LONRF1: variants seen among roughly 807,000 people sequenced by gnomAD.
The protein encoded by LONRF1 is LON peptidase N-terminal domain and ring finger 1.
Under a neutral mutation model 85.8 loss-of-function variants are expected in LONRF1, and 37 were observed. That is an observed-to-expected ratio of 0.43 (90% CI 0.33 to 0.57). The LOEUF (loss-of-function observed/expected upper bound fraction) is 0.57. Among genes scored for constraint, LONRF1 ranks in the 20% least tolerant of loss-of-function variants. The probability of loss-of-function intolerance (pLI) is 0.04; values close to 1 mark genes in which losing one functional copy is unlikely to be tolerated. For synonymous variants in LONRF1, 517 were observed against 390.1 expected (o/e 1.33, Z -3.83); for missense variants, 1,036 against 978.0 (o/e 1.06, Z -0.79).
chr8:12,743,100 A>C, intron 2 of LONRF1, 64 bp downstream of exon 2: 1 of 1,003,366 alleles, frequency 1.0e-6, no homozygotes, highest in Admixed American at 1.8e-5. Flanking sequence ...CTAACTGTGA[A>C]TGAATGCATG....
At chr8:12,729,452 T>C in intron 8 of LONRF1, 120 bp from the exon 9 acceptor site, 2 of 992,632 alleles carry the variant, frequency 2.0e-6, no homozygotes, top group South Asian at 1.8e-5. Context: ...AAAGAATTAG[T>C]TCTAAATAAG....
intron 4 of LONRF1, 91 bp downstream of exon 4, chr8:12,737,904 G>C: frequency 7.7e-7 from 1 of 1,292,970 alleles, no homozygotes; most frequent in Non-Finnish European, 1.1e-6. Context: ...TACTTAAGTA[G>C]GTGCTAGTAC....
chr8:12,739,075 T>TA (rs1009360974), intron 3 of LONRF1, among the ~76,000 whole-genome samples: 3 of 152,052 alleles, frequency 2.0e-5, no homozygotes, highest in African/African-American at 7.2e-5. Context: ...TCCTCTGTTT[T>TA]AAAAAATAAA....
In LONRF1 at chr8:12,723,267, G is replaced by C; in HGVS notation, c.2164-13C>G. ...CATTAGGGGCTGCCTAAAAACAATG[G>C]ACAGTTTATAGCATTAATAAAACAA... is the stretch of plus-strand genomic sequence containing the variant. On this transcript the variant is annotated splice_polypyrimidine_tract_variant and intron_variant, in intron 11 of 11. Transcript: ENST00000398246. 1 of 1,600,224 alleles carries C rather than the reference G, an allele frequency of 6.2e-7. No homozygotes were observed. The highest frequency in any genetic ancestry group is 8.5e-7 in the Non-Finnish European group (1 of 1,175,714).
chr8:12,730,683 G>C (rs528761179), intron 8 of LONRF1, among the ~76,000 whole-genome samples: 3 of 152,212 alleles, frequency 2.0e-5, no homozygotes, highest in African/African-American at 7.2e-5. Context: ...TGATCAGAAA[G>C]GTTCATAATT....
intron 2 of LONRF1, 118 bp from the exon 3 acceptor site, chr8:12,741,114 T>G (rs1027824912): frequency 2.8e-6 from 3 of 1,067,984 alleles, no homozygotes; most frequent in East Asian, 2.6e-5. Context: ...CCGGGTGCAG[T>G]AGCTCACGCC....
chr8:12,728,991 A>G lies in LONRF1; in HGVS notation c.1920T>C (p.Asp640=). The G allele has an allele frequency of 1.2e-6, 2 of 1,614,084 alleles. No individual in the cohort carries two copies. The highest frequency in any genetic ancestry group is 1.7e-6 in the Non-Finnish European group (2 of 1,179,924). Residue 640 remains aspartate (D), a synonymous_variant, in exon 10 of 12, where the codon GAT becomes GAC. Coordinates refer to ENST00000398246, the MANE Select transcript of LONRF1 (RefSeq NM_152271.5). ...HFLPDGRSVV[D]TVGGKRFRVL... The stretch of plus-strand genomic sequence containing the variant: ...CCCTAAACCGCTTTCCTCCAACTGT[A>G]TCAACCACAGACCTTCCGTCCGGTA...
At chr8:12,738,322 G>A (rs1798800922) in intron 3 of LONRF1, among the ~76,000 whole-genome samples, 178 bp from the exon 4 acceptor site, 1 of 152,112 alleles carries the variant, frequency 6.6e-6, no homozygotes, top group South Asian at 2.1e-4. Flanking sequence ...AATTAGGTGT[G>A]CCTCATGGGG....
In LONRF1 at chr8:12,746,025, T is replaced by C. The variant is rs558610800; in HGVS notation, c.722-2743A>G. On this transcript the variant is annotated intron_variant, in intron 1 of 11. Coordinates refer to ENST00000398246, the MANE Select transcript of LONRF1 (RefSeq NM_152271.5). ...CAGCATTCTTCACCAAAAAAGCATT[T>C]TTCATTGTATTCTCTATTATTGACA... is the stretch of plus-strand genomic sequence containing the variant. 2.0e-5 allele frequency among the ~76,000 whole-genome samples: 3 copies of C among 152,306 alleles called. No homozygotes were observed. In the South Asian group the frequency reaches 6.2e-4, roughly 32 times the overall value.
chr8:12,749,322 A>AG (rs1442720460), intron 1 of LONRF1, among the ~76,000 whole-genome samples: 2 of 152,190 alleles, frequency 1.3e-5, no homozygotes, highest in African/African-American at 4.8e-5. Context: ...AGGTGGGTCA[A>AG]GGGGATGGGA....
At chr8:12,746,579 T>C (rs1043417710) in intron 1 of LONRF1, among the ~76,000 whole-genome samples, 1 of 152,246 alleles carries the variant, frequency 6.6e-6, no homozygotes. Context: ...TGACTTGGGG[T>C]AAATTACAAG....
At position 12,725,889 on chromosome 8, in the gene LONRF1, C is replaced by CAAT. The variant is rs772665133; in HGVS notation, c.2011-13_2011-11dup. 22 of 1,602,856 alleles carry CAAT rather than the reference C, an allele frequency of 1.4e-5. No individual in the cohort carries two copies. Among genetic ancestry groups the CAAT allele is most frequent in the Admixed American group, 1.7e-5 (1 of 59,822 alleles). On this transcript the variant is annotated splice_polypyrimidine_tract_variant and intron_variant, in intron 10 of 11. Transcript: ENST00000398246. ...CATCTTCATTCTCAACCTAGAAATA[C>CAAT]AATAGTCAGTAAGACTTCTGTGTCT...
At chr8:12,751,296 G>GTTTTTTTTTGTTTTGTTT (rs1799380317) in intron 1 of LONRF1, among the ~76,000 whole-genome samples, 5 of 69,530 alleles carry the variant, frequency 7.2e-5, no homozygotes, top group Non-Finnish European at 1.4e-4. Flanking sequence ...TTATTTTTAT[G>GTTTTTTTTTGTTTTGTTT]TTTTTTTTTT....
At chr8:12,725,926 C>G (rs1388505111) in intron 10 of LONRF1, 47 bp from the exon 11 acceptor site, 2 of 1,535,396 alleles carry the variant, frequency 1.3e-6, no homozygotes, top group Non-Finnish European at 1.8e-6. Context: ...ATCCCCCGTC[C>G]ATATGCCATA....
At chr8:12,753,742 C>T (rs1273192489) in intron 1 of LONRF1, 1 of 152,280 alleles carries the variant, frequency 6.6e-6, no homozygotes, top group Admixed American at 6.5e-5. Context: ...GCGCCTAAAA[C>T]CACCTTAAGA....
chr8:12,724,970 A>G (rs1216099894), intron 11 of LONRF1, among the ~76,000 whole-genome samples: 2 of 152,242 alleles, frequency 1.3e-5, no homozygotes, highest in Non-Finnish European at 2.9e-5. Context: ...CCATCTTCAC[A>G]TATTTACTGA....
At chr8:12,730,084 A>G (rs1213154386) in intron 8 of LONRF1, among the ~76,000 whole-genome samples, 1 of 152,214 alleles carries the variant, frequency 6.6e-6, no homozygotes, top group African/African-American at 2.4e-5. Context: ...CAAGTGCTAT[A>G]TGAATGTTCA....
At chr8:12,746,995 T>A (rs1799185518) in intron 1 of LONRF1, among the ~76,000 whole-genome samples, 1 of 152,252 alleles carries the variant, frequency 6.6e-6, no homozygotes, top group African/African-American at 2.4e-5. Flanking sequence ...ACATTATTTA[T>A]TAAAGTAATT....
chr8:12,747,357 T>C (rs1380392979), intron 1 of LONRF1, among the ~76,000 whole-genome samples: 1 of 152,208 alleles, frequency 6.6e-6, no homozygotes, highest in Non-Finnish European at 1.5e-5. Context: ...GTTGTTTCTT[T>C]AGTTCACCTT....
Sources: allele counts gnomAD v4.1 joint callset (sites outside exome capture counted in the v4.1 genomes callset), GRCh38; gene constraint gnomAD v4.1.1; transcripts MANE v1.5; gene names NCBI Gene and HGNC (gene_info 2026-07-23, HGNC 2026-07-21).